AKAP13: variants seen among roughly 807,000 people sequenced by gnomAD.
AKAP13 encodes the protein A-kinase anchor protein 13.
AKAP13 carries 80 observed loss-of-function variants against 264.5 expected under a neutral mutation model. That is an observed-to-expected ratio of 0.30 (90% CI 0.25 to 0.36). The LOEUF (loss-of-function observed/expected upper bound fraction) is 0.36, where lower values mean the gene tolerates loss of function less well. Among genes scored for constraint, AKAP13 ranks in the 10% least tolerant of loss-of-function variants. AKAP13 has a pLI of 1.00. For missense variants in AKAP13, 3,712 were observed against 3,435.2 expected, an observed-to-expected ratio of 1.08 and a Z score of -2.01; for synonymous variants, 1,380 against 1,250.2, an observed-to-expected ratio of 1.10 and a Z score of -2.19.
At chr15:85,735,493 G>C in intron 31 of AKAP13, 67 bp from the exon 32 acceptor site, 1 of 1,515,212 alleles carries the variant, frequency 6.6e-7, no homozygotes, top group South Asian at 1.2e-5. Context: ...ATGCCTATAT[G>C]ATATTCTTTC....
chr15:85,391,282 A>G (rs187321811), intron 1 of AKAP13, among the ~76,000 whole-genome samples: 28 of 152,232 alleles, frequency 1.8e-4, no homozygotes, highest in East Asian at 1.7e-3. Flanking sequence ...AGTGAACTCT[A>G]TTTTCCATTT....
At chr15:85,709,853 A>G (rs918396624) in intron 18 of AKAP13, among the ~76,000 whole-genome samples, 2 of 151,722 alleles carry the variant, frequency 1.3e-5, no homozygotes, top group African/African-American at 4.8e-5. Context: ...ATGCCCAGCT[A>G]ATTTTTATAT....
At chr15:85,545,998 C>G (rs1025438118) in intron 5 of AKAP13, among the ~76,000 whole-genome samples, 5 of 152,066 alleles carry the variant, frequency 3.3e-5, no homozygotes, top group African/African-American at 1.2e-4. Flanking sequence ...TTCTCCAGCC[C>G]CTGATAACCT....
intron 8 of AKAP13, among the ~76,000 whole-genome samples, chr15:85,615,009 C>T (rs984080029): frequency 2.6e-5 from 4 of 152,202 alleles, no homozygotes; most frequent in African/African-American, 9.6e-5. Context: ...TTCTTCCTTC[C>T]TCCCTCCTTT....
intron 1 of AKAP13, among the ~76,000 whole-genome samples, chr15:85,409,435 C>G (rs2150864875): frequency 6.6e-6 from 1 of 151,760 alleles, no homozygotes; most frequent in Non-Finnish European, 1.5e-5. Context: ...GCCTCGGCCT[C>G]CCAAAGTGCT....
chr15:85,595,782 A>C (rs750648129), intron 8 of AKAP13, among the ~76,000 whole-genome samples: 1 of 152,240 alleles, frequency 6.6e-6, no homozygotes, highest in Non-Finnish European at 1.5e-5. Flanking sequence ...TGCCAGAGAC[A>C]CATCAGTTTG....
chr15:85,642,085 C>G (rs1426569494), intron 9 of AKAP13, among the ~76,000 whole-genome samples: 1 of 152,166 alleles, frequency 6.6e-6, no homozygotes, highest in Non-Finnish European at 1.5e-5. Flanking sequence ...TACCTGTGTC[C>G]ACCTTTAAGG....
intron 8 of AKAP13, chr15:85,635,158 G>T (rs1170436859): frequency 5.0e-6 from 2 of 397,936 alleles, no homozygotes; most frequent in Non-Finnish European, 8.9e-6. Context: ...TCCCAAAATG[G>T]CTGTACTATT....
chr15:85,548,598 A>G (rs1296516830), intron 5 of AKAP13, among the ~76,000 whole-genome samples: 1 of 152,178 alleles, frequency 6.6e-6, no homozygotes, highest in Admixed American at 6.5e-5. Flanking sequence ...TTTTAACTAA[A>G]AAAAGATTGG....
chr15:85,484,930 A>G (rs1011323096), intron 1 of AKAP13, among the ~76,000 whole-genome samples: 2 of 152,192 alleles, frequency 1.3e-5, no homozygotes, highest in Non-Finnish European at 2.9e-5. Flanking sequence ...AAATTATAGT[A>G]AAGTCACTTG....
intron 1 of AKAP13, among the ~76,000 whole-genome samples, chr15:85,431,092 C>T (rs2073006158): frequency 6.6e-6 from 1 of 152,068 alleles, no homozygotes; most frequent in African/African-American, 2.4e-5. Flanking sequence ...TAAAAATAAT[C>T]GCTGCTGCAT....
At chr15:85,723,370 A>G (rs764025119) in intron 26 of AKAP13, 50 bp downstream of exon 26, 12 of 1,587,820 alleles carry the variant, frequency 7.6e-6, no homozygotes, top group Middle Eastern at 1.7e-4. Context: ...AAAACAGGCA[A>G]AAATCCAAGT....
At chr15:85,659,885 A>T (rs978448815) in intron 12 of AKAP13, among the ~76,000 whole-genome samples, 2 of 152,204 alleles carry the variant, frequency 1.3e-5, no homozygotes, top group African/African-American at 4.8e-5. Flanking sequence ...TTTAATCTAG[A>T]ACTTTACAAA....
Position 85,718,132 on chromosome 15 carries a change from G to A in AKAP13, c.5974G>A (p.Val1992Met), listed in dbSNP as rs2087057877. Residue 1992 changes from valine (V) to methionine (M), a missense_variant, in exon 22 of 37, where the codon GTG becomes ATG. Physicochemically the swap from Val to Met is conservative, Grantham distance 21 (BLOSUM62 1). Around this residue, in one of 3 missense-constraint regions of AKAP13, gnomAD observed 342 missense variants for 484.3 expected, o/e 0.71. Coordinates refer to ENST00000394518, the MANE Select transcript of AKAP13 (RefSeq NM_007200.5). This position sits in a 1 kb window ranked among gnomAD's most constrained non-coding sequence, Gnocchi z 4.9. ...GTTTCTAAAACAGCAAAAGAAAGAT[G>A]TGGTCAAACGGCAAGAAGTAATATA... ...SKFLKQQKKDVVKRQEVIYEL... is the reference protein window; with the variant it reads ...SKFLKQQKKDMVKRQEVIYEL... 8.1e-6 allele frequency: 13 copies of A among 1,614,150 alleles called. No individual in the cohort carries two copies. The highest frequency in any genetic ancestry group is 1.7e-5 in the Admixed American group (1 of 60,022).
chr15:85,559,128 G>A (rs2078258902), intron 5 of AKAP13, among the ~76,000 whole-genome samples: 1 of 151,954 alleles, frequency 6.6e-6, no homozygotes, highest in Non-Finnish European at 1.5e-5. Flanking sequence ...GGTCAACAGT[G>A]GTAATGTTCT....
At chr15:85,439,744 C>T (rs2073536440) in intron 1 of AKAP13, among the ~76,000 whole-genome samples, 1 of 143,058 alleles carries the variant, frequency 7.0e-6, no homozygotes, top group African/African-American at 2.6e-5. Flanking sequence ...ACCGCATATT[C>T]TCACTCATAG....
intron 8 of AKAP13, among the ~76,000 whole-genome samples, chr15:85,634,317 G>T (rs443454): frequency 0.26 from 39,129 of 152,076 alleles, 6,992 homozygotes; most frequent in East Asian, 0.57. Flanking sequence ...AAGAGTTTAA[G>T]ATTCTCACTA....
At chr15:85,475,528 C>T (rs893374235) in intron 1 of AKAP13, among the ~76,000 whole-genome samples, 2 of 152,160 alleles carry the variant, frequency 1.3e-5, no homozygotes, top group South Asian at 4.1e-4. Context: ...AGGTACCAAC[C>T]ATCATGTGGG....
intron 1 of AKAP13, among the ~76,000 whole-genome samples, chr15:85,398,482 AT>A (rs1336548109): frequency 1.3e-5 from 2 of 152,186 alleles, no homozygotes; most frequent in Admixed American, 6.5e-5. Flanking sequence ...TGGACTAGCC[AT>A]ATGTGGCGTA....
Sources: allele counts gnomAD v4.1 joint callset (sites outside exome capture counted in the v4.1 genomes callset), GRCh38; gene constraint gnomAD v4.1.1; regional missense constraint gnomAD v4.1.1; non-coding constraint Gnocchi (gnomAD v3.1); transcripts MANE v1.5; gene names NCBI Gene and HGNC (gene_info 2026-07-23, HGNC 2026-07-21).